Variants in DACH2 observed in about 807,000 individuals in gnomAD.
The protein encoded by DACH2 is dachshund homolog 2.
DACH2 carries 17 observed loss-of-function variants against 35.8 expected under a neutral mutation model. The ratio of observed to expected loss-of-function variants is 0.48; its 90% CI spans 0.33 to 0.71. The LOEUF (loss-of-function observed/expected upper bound fraction) is 0.71, where lower values mean the gene tolerates loss of function less well. DACH2 is among the 30% of genes least tolerant of loss of function. The pLI is 0.02. For missense variants in DACH2, 469 were observed against 472.7 expected, an observed-to-expected ratio of 0.99 and a Z score of 0.07; for synonymous variants, 195 against 177.3, an observed-to-expected ratio of 1.10 and a Z score of -0.79.
chrX:86,428,796 A>C (rs1340820665), intron 2 of DACH2, among the ~76,000 whole-genome samples: 1 of 110,677 alleles, frequency 9.0e-6, no homozygotes, highest in African/African-American at 3.3e-5. Context: ...CAAACTCTTT[A>C]ATGGCCTGGA....
chrX:86,812,530 T>C, intron 7 of DACH2, among the ~76,000 whole-genome samples: 1 of 111,833 alleles, frequency 8.9e-6, no homozygotes, highest in Non-Finnish European at 1.9e-5. Flanking sequence ...AAATAAAATG[T>C]TGCTTGTTTT....
intron 3 of DACH2, among the ~76,000 whole-genome samples, chrX:86,578,047 G>A (rs1278130232): frequency 8.9e-6 from 1 of 111,841 alleles, no homozygotes; most frequent in African/African-American, 3.3e-5. Flanking sequence ...AACCACAAAT[G>A]GGGAGTATGT....
chrX:86,265,086 G>T (rs957571288), intron 1 of DACH2, among the ~76,000 whole-genome samples: 1 of 111,531 alleles, frequency 9.0e-6, no homozygotes, highest in Non-Finnish European at 1.9e-5. Flanking sequence ...CATAAGCTCA[G>T]CATTGAAATA....
intron 7 of DACH2, among the ~76,000 whole-genome samples, chrX:86,742,982 C>T (rs1477676440): frequency 1.8e-5 from 2 of 111,435 alleles, no homozygotes; most frequent in African/African-American, 6.5e-5. Context: ...TCTTACTATG[C>T]CAGCTCAGAG....
intron 2 of DACH2, among the ~76,000 whole-genome samples, chrX:86,421,571 G>A (rs888101519): frequency 9.0e-6 from 1 of 111,520 alleles, no homozygotes; most frequent in Non-Finnish European, 1.9e-5. Flanking sequence ...TCTCCTTAAA[G>A]ATAAATCCAA....
chrX:86,252,103 C>A (rs192568009), intron 1 of DACH2, among the ~76,000 whole-genome samples: 1 of 111,200 alleles, frequency 9.0e-6, no homozygotes, highest in Non-Finnish European at 1.9e-5. Flanking sequence ...TGACGTTGAC[C>A]ATTTTTTTCA....
chrX:86,644,954 A>AT (rs1434134915), intron 3 of DACH2, among the ~76,000 whole-genome samples: 1 of 110,845 alleles, frequency 9.0e-6, no homozygotes, highest in East Asian at 2.8e-4. Context: ...ACCAAAAACT[A>AT]TAAAAACCCT....
chrX:86,645,305 T>C (rs904898644), intron 3 of DACH2, among the ~76,000 whole-genome samples: 15 of 110,778 alleles, frequency 1.4e-4, no homozygotes, highest in African/African-American at 4.9e-4. Flanking sequence ...AACAAGCATA[T>C]GAAAAAACAA....
chrX:86,579,386 C>T (rs2039474669), intron 3 of DACH2, among the ~76,000 whole-genome samples: 1 of 111,321 alleles, frequency 9.0e-6, no homozygotes, highest in African/African-American at 3.3e-5. Flanking sequence ...AGGCACTGCA[C>T]CCAGCTACCA....
intron 1 of DACH2, among the ~76,000 whole-genome samples, chrX:86,332,712 TAA>T (rs779822980): frequency 2.7e-5 from 3 of 111,850 alleles, no homozygotes; most frequent in Admixed American, 9.6e-5. Context: ...AATACTTTTT[TAA>T]AAAGACAGAT....
intron 4 of DACH2, among the ~76,000 whole-genome samples, chrX:86,690,033 TAA>T (rs770302470): frequency 1.8e-5 from 2 of 111,931 alleles, no homozygotes; most frequent in South Asian, 7.3e-4. Context: ...TATGCATTTA[TAA>T]AGAGGATCAC....
chrX:86,331,302 C>T (rs190013006), intron 1 of DACH2, among the ~76,000 whole-genome samples: 221 of 110,981 alleles, frequency 2.0e-3, no homozygotes, highest in Admixed American at 3.5e-3. Flanking sequence ...ACAAACTAAC[C>T]CAATGTGGTT....
At chrX:86,395,073 C>T (rs2036261550) in intron 2 of DACH2, among the ~76,000 whole-genome samples, 2 of 111,705 alleles carry the variant, frequency 1.8e-5, no homozygotes, top group Admixed American at 9.5e-5. Flanking sequence ...CTTAGGGAAA[C>T]ATTTTGTCTT....
At chrX:86,535,255 A>T (rs1417660868) in intron 3 of DACH2, among the ~76,000 whole-genome samples, 1 of 111,852 alleles carries the variant, frequency 8.9e-6, no homozygotes, top group Non-Finnish European at 1.9e-5. Flanking sequence ...ATTGTATATG[A>T]TATGATCCTT....
At chrX:86,465,182 C>A (rs114933487) in intron 2 of DACH2, among the ~76,000 whole-genome samples, 350 of 112,104 alleles carry the variant, frequency 3.1e-3, no homozygotes, top group Non-Finnish European at 5.6e-3. Flanking sequence ...TGGCACTCTT[C>A]TATCCTTTCA....
At chrX:86,215,970 A>T in intron 1 of DACH2, among the ~76,000 whole-genome samples, 1 of 112,217 alleles carries the variant, frequency 8.9e-6, no homozygotes, top group Non-Finnish European at 1.9e-5. Flanking sequence ...CTTTCACTAT[A>T]TCCAGTGAGT....
chrX:86,751,764 A>G (rs1327069849), intron 7 of DACH2, among the ~76,000 whole-genome samples: 1 of 111,731 alleles, frequency 9.0e-6, no homozygotes, highest in East Asian at 2.8e-4. Flanking sequence ...TTGAAAGCCA[A>G]CTATCAAAAA....
At chrX:86,587,768 T>C (rs2039593203) in intron 3 of DACH2, among the ~76,000 whole-genome samples, 1 of 111,927 alleles carries the variant, frequency 8.9e-6, no homozygotes, top group Non-Finnish European at 1.9e-5. Context: ...TTAGGGATAT[T>C]AAACCTTTAT....
rs952808743 is a variant in DACH2 at position 86,661,416 on chromosome X, A to T, written c.772+10249A>T. 6.2e-5 allele frequency among the ~76,000 whole-genome samples: 7 copies of T among 112,663 alleles called. 1 individual carries two copies. Among genetic ancestry groups the T allele is most frequent in the African/African-American group, 2.3e-4 (7 of 31,044 alleles). ...TGGATTTACCTATTCTGGATATTTC[A>T]TGTAAATGGAATCATACAATACGTG... On this transcript the variant is annotated intron_variant, in intron 4 of 11. Transcript: ENST00000373125.
Sources: allele counts gnomAD v4.1 joint callset (sites outside exome capture counted in the v4.1 genomes callset), GRCh38; gene constraint gnomAD v4.1.1; transcripts MANE v1.5; gene names NCBI Gene and HGNC (gene_info 2026-07-23, HGNC 2026-07-21).